The following NXPE2 variants were observed in gnomAD, a reference collection of about 807,000 sequenced individuals.
NXPE2 encodes the protein NXPE family member 2.
A neutral mutation model predicts 34.4 loss-of-function variants in NXPE2; 34 were observed. That is an observed-to-expected ratio of 0.99 (90% CI 0.75 to 1.31). The LOEUF (loss-of-function observed/expected upper bound fraction) is 1.31. Among genes scored for constraint, NXPE2 ranks in the 40% most tolerant of loss-of-function variants. NXPE2 has a pLI of 0.00. For missense variants in NXPE2, 649 were observed against 672.5 expected (o/e 0.97, Z 0.39); for synonymous variants, 235 against 231.3 (o/e 1.02, Z -0.15).
At chr11:114,539,174 A>G in the NXPE2 span, among the ~76,000 whole-genome samples, 2 of 152,134 alleles carry the variant, frequency 1.3e-5, no homozygotes, top group South Asian at 2.1e-4. Context: ...TGAGCAAACT[A>G]TCACAAGGAC....
At chr11:114,772,188 A>G in the NXPE2 span, among the ~76,000 whole-genome samples, 2 of 152,234 alleles carry the variant, frequency 1.3e-5, no homozygotes, top group Admixed American at 6.5e-5. Context: ...CAGCTTAAAC[A>G]AAGGATATCT....
the NXPE2 span, among the ~76,000 whole-genome samples, chr11:114,618,442 A>C: frequency 6.6e-6 from 1 of 152,058 alleles, no homozygotes; most frequent in Non-Finnish European, 1.5e-5. Flanking sequence ...GGTGGATAGT[A>C]AGTATTGCCT....
At chr11:114,676,324 C>T (rs537947318), upstream of NXPE2, among the ~76,000 whole-genome samples, 13 of 151,438 alleles carry the variant, frequency 8.6e-5, no homozygotes, top group East Asian at 2.1e-3. Flanking sequence ...AGACAACCTA[C>T]GAAATGGGAA....
the NXPE2 span, among the ~76,000 whole-genome samples, chr11:114,603,353 C>T: frequency 6.6e-6 from 1 of 151,370 alleles, no homozygotes; most frequent in Non-Finnish European, 1.5e-5. Flanking sequence ...TAGGTAACTC[C>T]TATTACCTGA....
At chr11:114,594,066 T>C in the NXPE2 span, among the ~76,000 whole-genome samples, 1 of 152,078 alleles carries the variant, frequency 6.6e-6, no homozygotes, top group African/African-American at 2.4e-5. Flanking sequence ...GGTTAGTTAA[T>C]GAGTACAAAA....
chr11:114,511,102 T>C, the NXPE2 span, among the ~76,000 whole-genome samples: 1 of 152,174 alleles, frequency 6.6e-6, no homozygotes, highest in Admixed American at 6.5e-5. Flanking sequence ...TAAACATTGT[T>C]GGCGACCTAC....
chr11:114,503,400 T>G, the NXPE2 span, among the ~76,000 whole-genome samples: 1 of 152,084 alleles, frequency 6.6e-6, no homozygotes, highest in African/African-American at 2.4e-5. Flanking sequence ...AAAATAAAAC[T>G]TTAAATAAAA....
At chr11:114,613,121 G>A in the NXPE2 span, among the ~76,000 whole-genome samples, 3 of 150,956 alleles carry the variant, frequency 2.0e-5, no homozygotes, top group Admixed American at 6.6e-5. Context: ...CTGTAACCAG[G>A]TGGATAATAA....
chr11:114,758,620 G>A, the NXPE2 span, among the ~76,000 whole-genome samples: 6 of 152,120 alleles, frequency 3.9e-5, no homozygotes, highest in Non-Finnish European at 7.4e-5. Context: ...GGGCTTTGGA[G>A]ATCTGGGCTA....
At chr11:114,747,847 T>C in the NXPE2 span, among the ~76,000 whole-genome samples, 1 of 152,158 alleles carries the variant, frequency 6.6e-6, no homozygotes, top group African/African-American at 2.4e-5. Flanking sequence ...ATAGCCACTC[T>C]CTTAGCATTT....
chr11:114,641,825 T>G, the NXPE2 span, among the ~76,000 whole-genome samples: 3 of 152,064 alleles, frequency 2.0e-5, 1 homozygote, highest in Non-Finnish European at 4.4e-5. Flanking sequence ...ATATCACATC[T>G]GACACCAGGA....
At chr11:114,508,171 C>T in the NXPE2 span, among the ~76,000 whole-genome samples, 3 of 152,158 alleles carry the variant, frequency 2.0e-5, no homozygotes, top group East Asian at 1.9e-4. Context: ...AAAATACCTA[C>T]GAATACACCT....
chr11:114,629,551 C>T, the NXPE2 span, among the ~76,000 whole-genome samples: 1 of 151,478 alleles, frequency 6.6e-6, no homozygotes, highest in Non-Finnish European at 1.5e-5. Context: ...ATGACAAACC[C>T]ACAGCCAATA....
chr11:114,556,749 A>G, the NXPE2 span, among the ~76,000 whole-genome samples: 4 of 151,938 alleles, frequency 2.6e-5, no homozygotes, highest in African/African-American at 9.7e-5. Flanking sequence ...AGTCTCATCT[A>G]AGCCACTCTG....
chr11:114,573,531 A>G, the NXPE2 span, among the ~76,000 whole-genome samples: 1 of 152,108 alleles, frequency 6.6e-6, no homozygotes, highest in Admixed American at 6.6e-5. Context: ...AAGATATTCC[A>G]TGCAAATGGG....
the NXPE2 span, among the ~76,000 whole-genome samples, chr11:114,798,323 G>A: frequency 6.6e-6 from 1 of 151,998 alleles, no homozygotes; most frequent in Non-Finnish European, 1.5e-5. Context: ...TTAATGACCT[G>A]CCCTGTAATC....
At chr11:114,811,249 T>A in the NXPE2 span, among the ~76,000 whole-genome samples, 2 of 151,260 alleles carry the variant, frequency 1.3e-5, no homozygotes, top group Admixed American at 6.6e-5. Flanking sequence ...GACGAGTTAG[T>A]GGGTTCGGCA....
At chr11:114,528,536 A>T in the NXPE2 span, among the ~76,000 whole-genome samples, 1 of 152,204 alleles carries the variant, frequency 6.6e-6, no homozygotes, top group Non-Finnish European at 1.5e-5. Context: ...AAGGAAGGTA[A>T]TGTGTGTGTC....
the NXPE2 span, among the ~76,000 whole-genome samples, chr11:114,742,061 A>G: frequency 6.6e-6 from 1 of 152,056 alleles, no homozygotes; most frequent in Admixed American, 6.6e-5. Flanking sequence ...CTTGGTGGGA[A>G]TTCTAAGATT....
Sources: allele counts gnomAD v4.1 joint callset (sites outside exome capture counted in the v4.1 genomes callset), GRCh38; gene constraint gnomAD v4.1.1; transcripts MANE v1.5; gene names NCBI Gene and HGNC (gene_info 2026-07-23, HGNC 2026-07-21).